The following SCAMP5 variants were observed in gnomAD, a reference collection of about 807,000 sequenced individuals.
The protein encoded by SCAMP5 is secretory carrier membrane protein 5, also known as secretory carrier-associated membrane protein 5.
In SCAMP5, 7 loss-of-function variants were observed where a neutral mutation model predicts 28.3. That is an observed-to-expected ratio of 0.25 (90% CI 0.14 to 0.46). The LOEUF (loss-of-function observed/expected upper bound fraction) is 0.46, where lower values mean the gene tolerates loss of function less well. Among genes scored for constraint, SCAMP5 ranks in the 20% least tolerant of loss-of-function variants. The pLI is 0.99. For missense variants in SCAMP5, 192 were observed against 312.5 expected (o/e 0.61, Z 2.91); for synonymous variants, 117 against 116.4 (o/e 1.00, Z -0.03).
In SCAMP5 at chr15:75,011,807, T is replaced by C; in HGVS notation, c.-33T>C. On this transcript the variant is annotated 5_prime_UTR_variant, in exon 2 of 7. Coordinates refer to ENST00000425597, the MANE Select transcript of SCAMP5 (RefSeq NM_138967.4). ...TTCCTTGCAGTTCAGGACAAAGAGG[T>C]GTGGGCAGGCCACTGGGCCAGCTGG... 6.2e-7 allele frequency: 1 copy of C among 1,607,842 alleles called. No individual in the cohort carries two copies. The highest frequency in any genetic ancestry group is 8.5e-7 in the Non-Finnish European group (1 of 1,174,790).
intron 1 of SCAMP5, 79 bp from the exon 2 acceptor site, chr15:75,011,713 A>G: frequency 1.5e-6 from 1 of 682,692 alleles, no homozygotes; most frequent in Non-Finnish European, 2.6e-6. Flanking sequence ...GGGAGCTTGC[A>G]GCCCAGATGA....
rs374460253 is a variant in SCAMP5 at position 75,012,716 on chromosome 15, C to T, written c.47C>T (p.Pro16Leu). The change falls in exon 3 of 7, where the codon CCG becomes CTG. Residue 16 changes from proline (P) to leucine (L), a missense_variant. Transcript: ENST00000425597. The stretch of plus-strand genomic sequence containing the variant: ...TTCCCACCATTGCCCAAATTCATCC[C>T]GCTGAAGCCATGTTTCTACCAAGAC... ...NNFPPLPKFI[P>L]LKPCFYQDFE... The T allele has an allele frequency of 9.3e-6, 15 of 1,613,834 alleles. No homozygotes were observed. Among genetic ancestry groups the T allele is most frequent in the East Asian group, 2.2e-5 (1 of 44,896 alleles).
intron 1 of SCAMP5, among the ~76,000 whole-genome samples, chr15:74,998,131 A>G (rs2065669797): frequency 6.6e-6 from 1 of 152,240 alleles, no homozygotes; most frequent in Admixed American, 6.5e-5. Flanking sequence ...TAGCTTCACA[A>G]TAAGGAATGG....
Position 75,017,897 on chromosome 15 carries a change from ATTC to A in SCAMP5, c.327_329del (p.Phe110del). On this transcript the variant is annotated inframe_deletion, in exon 5 of 7. Transcript: ENST00000425597. ...CTGACAGCTCCTTCAGTTTCATGGC[ATTC>A]TTCTTTACCTTCATGGCTCAGTTGG... The A allele has an allele frequency of 4.3e-6, 7 of 1,613,838 alleles. No individual in the cohort carries two copies. Among genetic ancestry groups the A allele is most frequent in the Non-Finnish European group, 5.9e-6 (7 of 1,179,740 alleles).
intron 1 of SCAMP5, among the ~76,000 whole-genome samples, chr15:75,005,880 A>G (rs551514122): frequency 6.7e-6 from 1 of 148,812 alleles, no homozygotes; most frequent in Admixed American, 6.7e-5. Context: ...ACGTGCTACC[A>G]TGCCTGGTTA....
intron 1 of SCAMP5, among the ~76,000 whole-genome samples, chr15:75,001,482 C>G (rs1432720012): frequency 1.3e-5 from 2 of 151,356 alleles, no homozygotes; most frequent in African/African-American, 4.9e-5. Flanking sequence ...TCCTCTATCA[C>G]AGAGAAAATT....
chr15:75,012,654 T>A (rs750764488), intron 2 of SCAMP5, 23 bp from the exon 3 acceptor site: 2 of 1,613,772 alleles, frequency 1.2e-6, no homozygotes, highest in Non-Finnish European at 8.5e-7. Flanking sequence ...GAGGTGATGT[T>A]GTGCAATGTG....
rs183121387 is a variant in SCAMP5 at position 75,007,955 on chromosome 15, G to A, written c.-48-3837G>A. Among the ~76,000 whole-genome samples, 411 of 152,156 alleles carry A rather than the reference G, an allele frequency of 2.7e-3. 3 individuals carry two copies. Among genetic ancestry groups the A allele is most frequent in the Middle Eastern group, 0.02 (6 of 294 alleles). On this transcript the variant is annotated intron_variant, in intron 1 of 6. Transcript: ENST00000425597. The stretch of plus-strand genomic sequence containing the variant: ...GCCCAAGCGATCCATCTGCCTTGGT[G>A]TCTCAAAGTGCTGGAATTCCAGTCA...
In SCAMP5 at chr15:75,019,115, A is replaced by T; in HGVS notation, c.*132A>T. 1.9e-6 allele frequency: 1 copy of T among 525,914 alleles called. No individual in the cohort carries two copies. 32.6% of individuals were successfully genotyped at this position (525,914 alleles called of 1,614,324 possible). ...TTCCCTACTTTGTACAAAGGACCAG[A>T]GTTATATATATATATATATGTATAT... On this transcript the variant is annotated 3_prime_UTR_variant, in exon 7 of 7. Transcript: ENST00000425597.
Position 75,016,619 on chromosome 15 carries a change from C to A in SCAMP5, c.163C>A (p.Leu55Met), listed in dbSNP as rs1331299833. ...GAACAGCGTCACGCTGGCCGTGAAC[C>A]TGGTGGGCTGTCTCGCGTGGCTGAT... ...MLNSVTLAVNLVGCLAWLIGG... is the reference protein window; with the variant it reads ...MLNSVTLAVNMVGCLAWLIGG... The change falls in exon 4 of 7, where the codon CTG becomes ATG. Residue 55 changes from leucine (L) to methionine (M), a missense_variant. Coordinates refer to ENST00000425597, the MANE Select transcript of SCAMP5 (RefSeq NM_138967.4). 1.2e-6 allele frequency: 2 copies of A among 1,613,532 alleles called. No individual in the cohort carries two copies. Among genetic ancestry groups the A allele is most frequent in the Non-Finnish European group, 1.7e-6 (2 of 1,179,830 alleles).
Position 75,021,296 on chromosome 15 carries a change from G to A in SCAMP5, c.*2313G>A, listed in dbSNP as rs776302986. 2 of 152,218 alleles carry A rather than the reference G, an allele frequency of 1.3e-5. No individual in the cohort carries two copies. The highest frequency in any genetic ancestry group is 1.9e-4 in the East Asian group (1 of 5,190). 9.4% of individuals were successfully genotyped at this position (152,218 alleles called of 1,614,324 possible). ...GGCACACATTCATCTTTGTAGGAAG[G>A]TCTGGCCTGGGGTCGGGTGAAGGAG... is the stretch of plus-strand genomic sequence containing the variant. On this transcript the variant is annotated 3_prime_UTR_variant, in exon 7 of 7. Transcript: ENST00000425597.
At chr15:74,999,759 G>A (rs531614026) in intron 1 of SCAMP5, among the ~76,000 whole-genome samples, 31 of 152,110 alleles carry the variant, frequency 2.0e-4, no homozygotes, top group African/African-American at 7.0e-4. Flanking sequence ...CCGAGATCGC[G>A]CCACTGCACT....
At chr15:75,016,467 G>C in intron 3 of SCAMP5, 126 bp from the exon 4 acceptor site, 1 of 814,156 alleles carries the variant, frequency 1.2e-6, no homozygotes, top group Non-Finnish European at 2.0e-6. Flanking sequence ...CTGCGCTGTT[G>C]GCCTGGCTTG....
At chr15:75,005,454 C>A (rs1480486001) in intron 1 of SCAMP5, among the ~76,000 whole-genome samples, 2 of 150,888 alleles carry the variant, frequency 1.3e-5, no homozygotes, top group Admixed American at 6.6e-5. Context: ...GAGCGAAACT[C>A]CGTTTCAAAA....
At chr15:74,999,765 G>A (rs1426535937) in intron 1 of SCAMP5, among the ~76,000 whole-genome samples, 1 of 152,176 alleles carries the variant, frequency 6.6e-6, no homozygotes, top group Admixed American at 6.5e-5. Flanking sequence ...TCGCGCCACT[G>A]CACTCCAGCC....
chr15:75,000,939 C>T (rs1247577627), intron 1 of SCAMP5, among the ~76,000 whole-genome samples: 1 of 151,914 alleles, frequency 6.6e-6, no homozygotes, highest in Non-Finnish European at 1.5e-5. Flanking sequence ...ATTCTCTTTC[C>T]CTGGCCAACT....
intron 1 of SCAMP5, among the ~76,000 whole-genome samples, chr15:75,001,306 A>G (rs1478395732): frequency 6.6e-6 from 1 of 150,858 alleles, no homozygotes; most frequent in Non-Finnish European, 1.5e-5. Context: ...CAGATCCAAT[A>G]TCTATGAAGC....
rs906713730 is a variant in SCAMP5, at chr15:75,017,286, A to G, written c.293+537A>G. 2.0e-5 allele frequency among the ~76,000 whole-genome samples: 3 copies of G among 152,216 alleles called. No homozygotes were observed. The East Asian group carries it at 5.8e-4, about 29-fold the overall frequency. On this transcript the variant is annotated intron_variant, in intron 4 of 6. Coordinates refer to ENST00000425597, the MANE Select transcript of SCAMP5 (RefSeq NM_138967.4). ...CCAGTGGGTGTCTACCTAGTGCCAA[A>G]TGGCATTTTCAATCTTTGTGCCAAT...
chr15:75,001,365 C>T (rs1448110016), intron 1 of SCAMP5, among the ~76,000 whole-genome samples: 1 of 151,826 alleles, frequency 6.6e-6, no homozygotes, highest in Non-Finnish European at 1.5e-5. Flanking sequence ...TGTGTTACCA[C>T]AGCTTTCTGA....
Sources: gnomAD v4.1 joint callset for allele counts (sites outside exome capture counted in the v4.1 genomes callset) on GRCh38, gnomAD v4.1.1 for gene constraint, MANE v1.5 for transcripts, NCBI Gene and HGNC (gene_info 2026-07-23, HGNC 2026-07-21) for gene names.